The following FILIP1L variants were observed in gnomAD, a reference collection of about 807,000 sequenced individuals.
The protein encoded by FILIP1L is filamin A interacting protein 1 like.
In FILIP1L, 55 loss-of-function variants were observed where a neutral mutation model predicts 96.6. The ratio of observed to expected loss-of-function variants is 0.57; its 90% CI spans 0.46 to 0.71. The LOEUF is 0.71. Among genes scored for constraint, FILIP1L ranks in the 30% least tolerant of loss-of-function variants. The pLI, the probability that FILIP1L is intolerant of heterozygous loss-of-function variation, is 0.00. For missense variants in FILIP1L, 1,304 were observed against 1,321.2 expected (o/e 0.99, Z 0.20); for synonymous variants, 467 against 473.9 (o/e 0.99, Z 0.19).
chr3:99,955,712 C>G (rs550539526), intron 1 of FILIP1L, among the ~76,000 whole-genome samples: 2 of 152,164 alleles, frequency 1.3e-5, no homozygotes, highest in African/African-American at 2.4e-5. Context: ...TCCTTCAGTG[C>G]CAATGTATTT....
In FILIP1L at chr3:99,930,830, G is replaced by C. The variant is rs1290459827; in HGVS notation, c.191C>G (p.Ala64Gly). The change falls in exon 2 of 6, where the codon GCA becomes GGA. Residue 64 changes from alanine to glycine, a missense_variant. Coordinates refer to ENST00000477258, the MANE Select transcript of FILIP1L (RefSeq NM_001387850.1). The stretch of plus-strand genomic sequence containing the variant: ...CAGGTCATCTCTTGAGAGGTCTTCT[G>C]CTTGGTGGCCATTACCACTGTGTGG... Reference protein sequence around the residue: ...EKPHSGNGHQAEDLSRDDLLF... With the variant: ...EKPHSGNGHQGEDLSRDDLLF... The C allele has an allele frequency of 1.2e-6, 2 of 1,612,448 alleles. No homozygotes were observed. Among genetic ancestry groups the C allele is most frequent in the African/African-American group, 1.3e-5 (1 of 74,424 alleles).
At chr3:100,019,417 G>A (rs1334151047) in intron 1 of FILIP1L, among the ~76,000 whole-genome samples, 1 of 151,998 alleles carries the variant, frequency 6.6e-6, no homozygotes, top group Non-Finnish European at 1.5e-5. Flanking sequence ...TTACCGAAAG[G>A]AATAGCAGGT....
At chr3:99,864,329 A>G (rs572512158) in intron 4 of FILIP1L, among the ~76,000 whole-genome samples, 1 of 152,316 alleles carries the variant, frequency 6.6e-6, no homozygotes, top group African/African-American at 2.4e-5. Context: ...AAGAGAAGGA[A>G]ACAAGCATAT....
chr3:99,834,842 G>A (rs1044096251), intron 5 of FILIP1L, among the ~76,000 whole-genome samples: 1 of 152,164 alleles, frequency 6.6e-6, no homozygotes, highest in Non-Finnish European at 1.5e-5. Flanking sequence ...GTCTCTTTGA[G>A]CAAACACTTT....
At chr3:100,101,188 G>A (rs1476197705) in intron 1 of FILIP1L, among the ~76,000 whole-genome samples, 1 of 152,128 alleles carries the variant, frequency 6.6e-6, no homozygotes, top group East Asian at 1.9e-4. Flanking sequence ...CTGAGACAGC[G>A]TTATACTAAG....
chr3:99,998,620 T>C (rs1235983216), intron 1 of FILIP1L, among the ~76,000 whole-genome samples: 1 of 152,200 alleles, frequency 6.6e-6, no homozygotes, highest in Admixed American at 6.5e-5. Flanking sequence ...TGGAGTGCAG[T>C]GGTGCGATCT....
At chr3:99,935,265 C>A (rs1359042642) in intron 1 of FILIP1L, among the ~76,000 whole-genome samples, 107 of 143,852 alleles carry the variant, frequency 7.4e-4, no homozygotes, top group East Asian at 1.0e-3. Flanking sequence ...TTCAGGGTAC[C>A]AAAAAAAAAA....
At chr3:99,968,978 T>C (rs201110755) in intron 1 of FILIP1L, among the ~76,000 whole-genome samples, 2 of 140,592 alleles carry the variant, frequency 1.4e-5, no homozygotes, top group East Asian at 4.2e-4. Flanking sequence ...GAAAAAAAAA[T>C]TCATTTGATA....
chr3:99,936,732 A>G (rs1707688404), intron 1 of FILIP1L, among the ~76,000 whole-genome samples: 1 of 151,220 alleles, frequency 6.6e-6, no homozygotes, highest in Non-Finnish European at 1.5e-5. Flanking sequence ...TGGCAGAGTC[A>G]GAGTCAGGCC....
intron 1 of FILIP1L, among the ~76,000 whole-genome samples, chr3:100,054,514 T>C (rs935014754): frequency 1.4e-4 from 22 of 152,042 alleles, no homozygotes; most frequent in South Asian, 4.2e-4. Flanking sequence ...TATGTTATGT[T>C]ATGTTATGTT....
chr3:99,910,926 A>G (rs148884037), intron 4 of FILIP1L, among the ~76,000 whole-genome samples: 210 of 152,302 alleles, frequency 1.4e-3, no homozygotes, highest in African/African-American at 4.7e-3. Flanking sequence ...AACCCTTTTC[A>G]AGGATGAAGA....
chr3:99,986,018 G>A (rs549274702), intron 1 of FILIP1L, among the ~76,000 whole-genome samples: 19 of 152,240 alleles, frequency 1.2e-4, no homozygotes, highest in Middle Eastern at 3.4e-3. Flanking sequence ...GATACAGTTT[G>A]CACGTGGACC....
At chr3:100,105,688 T>C (rs2066383301) in intron 1 of FILIP1L, among the ~76,000 whole-genome samples, 1 of 152,134 alleles carries the variant, frequency 6.6e-6, no homozygotes, top group African/African-American at 2.4e-5. Flanking sequence ...AAAGTAGAAA[T>C]GAAAAACAAC....
Position 99,973,227 on chromosome 3 carries a change from TA to T in FILIP1L, c.-10-42198del, listed in dbSNP as rs1708873655. ...ATAGAAACATCATAAACAAAATGAA[TA>T]AAAATTTTTTTTCTCTTCTTGTGAT... On this transcript the variant is annotated intron_variant, in intron 1 of 5. Coordinates refer to ENST00000477258, the MANE Select transcript of FILIP1L (RefSeq NM_001387850.1). 2.6e-5 allele frequency among the ~76,000 whole-genome samples: 4 copies of T among 152,324 alleles called. No homozygotes were observed. The South Asian group carries it at 8.3e-4, about 32-fold the overall frequency.
At chr3:99,915,585 T>A (rs2107644176) in intron 4 of FILIP1L, among the ~76,000 whole-genome samples, 1 of 152,152 alleles carries the variant, frequency 6.6e-6, no homozygotes, top group Middle Eastern at 3.4e-3. Context: ...TCTGTTTCTC[T>A]AAGTAGAGTG....
At chr3:99,946,845 G>T (rs1417006379) in intron 1 of FILIP1L, among the ~76,000 whole-genome samples, 1 of 152,032 alleles carries the variant, frequency 6.6e-6, no homozygotes, top group African/African-American at 2.4e-5. Flanking sequence ...GTACCAAATT[G>T]CCAATAGGCA....
chr3:99,903,738 C>T (rs1383266742), intron 4 of FILIP1L, among the ~76,000 whole-genome samples: 1 of 152,110 alleles, frequency 6.6e-6, no homozygotes, highest in African/African-American at 2.4e-5. Context: ...AACTGGGACC[C>T]TGGGCTGGTT....
chr3:99,971,070 G>A (rs1046446624), intron 1 of FILIP1L, among the ~76,000 whole-genome samples: 1 of 152,196 alleles, frequency 6.6e-6, no homozygotes, highest in Non-Finnish European at 1.5e-5. Context: ...GGGCGTGGTG[G>A]CTCACGCCTG....
chr3:99,919,715 A>C (rs1299824463), intron 4 of FILIP1L, among the ~76,000 whole-genome samples: 2 of 152,082 alleles, frequency 1.3e-5, no homozygotes, highest in Non-Finnish European at 2.9e-5. Context: ...TGCAGTCTGG[A>C]AAAATAGGCC....
Sources: allele counts gnomAD v4.1 joint callset (sites outside exome capture counted in the v4.1 genomes callset), GRCh38; gene constraint gnomAD v4.1.1; transcripts MANE v1.5; gene names NCBI Gene and HGNC (gene_info 2026-07-23, HGNC 2026-07-21).